TBC1D32: variants seen among roughly 807,000 people sequenced by gnomAD.
TBC1D32 encodes protein broad-minded.
TBC1D32 carries 151 observed loss-of-function variants against 170.3 expected under a neutral mutation model. The ratio of observed to expected loss-of-function variants is 0.89; its 90% CI spans 0.78 to 1.01. The LOEUF is 1.01. Ranked by LOEUF, TBC1D32 falls within the 50% of genes least tolerant of loss-of-function variation. The probability of loss-of-function intolerance (pLI) is 0.00; values close to 1 mark genes in which losing one functional copy is unlikely to be tolerated. For missense variants in TBC1D32, 1,464 were observed against 1,457.1 expected (o/e 1.00, Z -0.08); for synonymous variants, 498 against 488.0 (o/e 1.02, Z -0.27).
intron 17 of TBC1D32, among the ~76,000 whole-genome samples, chr6:121,243,671 C>G (rs1424354464): frequency 6.6e-6 from 1 of 150,606 alleles, no homozygotes; most frequent in African/African-American, 2.4e-5. Context: ...TTCAACTGAC[C>G]CTGTAATGGG....
intron 24 of TBC1D32, among the ~76,000 whole-genome samples, chr6:121,143,957 A>T (rs1030418641): frequency 6.6e-6 from 1 of 152,152 alleles, no homozygotes; most frequent in African/African-American, 2.4e-5. Context: ...TCAGAATGAG[A>T]TATTATGAAT....
intron 2 of TBC1D32, among the ~76,000 whole-genome samples, chr6:121,320,230 GGA>G (rs1491574222): frequency 6.9e-6 from 1 of 144,856 alleles, no homozygotes; most frequent in African/African-American, 2.6e-5. Context: ...AAAAAAACTG[GGA>G]AAAAAAAAAA....
intron 30 of TBC1D32, among the ~76,000 whole-genome samples, chr6:121,102,214 T>G (rs1778188582): frequency 6.6e-6 from 1 of 152,164 alleles, no homozygotes; most frequent in African/African-American, 2.4e-5. Context: ...CCAATGACTT[T>G]CTTCACAGAA....
rs561260664 is a variant in TBC1D32, at chr6:121,328,004, T to G, written c.156-6210A>C. 3.3e-5 allele frequency among the ~76,000 whole-genome samples: 5 copies of G among 152,326 alleles called. No individual in the cohort carries two copies. In the East Asian group the frequency reaches 9.6e-4, roughly 29 times the overall value. On this transcript the variant is annotated intron_variant, in intron 1 of 31. Coordinates refer to ENST00000398212, the MANE Select transcript of TBC1D32 (RefSeq NM_152730.6). ...AAAAACCTATATCATGCTTAATAACTTATTTTAGAATATCCTTACAAGGTT... is the reference window on the plus strand; with the variant it reads ...AAAAACCTATATCATGCTTAATAACGTATTTTAGAATATCCTTACAAGGTT...
At chr6:121,203,540 C>T (rs1791867401) in intron 22 of TBC1D32, among the ~76,000 whole-genome samples, 1 of 151,322 alleles carries the variant, frequency 6.6e-6, no homozygotes, top group Non-Finnish European at 1.5e-5. Flanking sequence ...TGAAGAACTG[C>T]TATTAGAACT....
At chr6:121,189,987 A>T (rs917012021) in intron 22 of TBC1D32, among the ~76,000 whole-genome samples, 1 of 151,704 alleles carries the variant, frequency 6.6e-6, no homozygotes, top group Non-Finnish European at 1.5e-5. Flanking sequence ...TTTAGTGTGA[A>T]AATGGGCATT....
At chr6:121,238,845 A>G (rs1275847757) in intron 20 of TBC1D32, among the ~76,000 whole-genome samples, 1 of 152,104 alleles carries the variant, frequency 6.6e-6, no homozygotes, top group Non-Finnish European at 1.5e-5. Context: ...CATAAAGTAA[A>G]AGAAAATAAT....
chr6:121,190,142 G>C (rs9401375), intron 22 of TBC1D32, among the ~76,000 whole-genome samples: 12 of 111,868 alleles, frequency 1.1e-4, no homozygotes, highest in African/African-American at 2.0e-4. Flanking sequence ...GACCCTCTCC[G>C]TCCCCCACCA....
rs1779868414 is a variant in TBC1D32, at chr6:121,118,070, A to C, written c.2984-2829T>G. ...GGAAAAACAGTGTGTAGGATACATA[A>C]CACATACTTAATAAACAATGAATGA... On this transcript the variant is annotated intron_variant, in intron 26 of 31. Coordinates refer to ENST00000398212, the MANE Select transcript of TBC1D32 (RefSeq NM_152730.6). 2.0e-5 allele frequency among the ~76,000 whole-genome samples: 3 copies of C among 152,192 alleles called. No homozygotes were observed. In the South Asian group the frequency reaches 6.2e-4, roughly 32 times the overall value.
At chr6:121,299,981 CAA>C (rs1157254579) in intron 9 of TBC1D32, among the ~76,000 whole-genome samples, 2 of 152,064 alleles carry the variant, frequency 1.3e-5, no homozygotes, top group Non-Finnish European at 1.5e-5. Context: ...AAAAATGATT[CAA>C]AGTGTCAAAA....
intron 22 of TBC1D32, among the ~76,000 whole-genome samples, chr6:121,183,329 C>G (rs2128276584): frequency 6.6e-6 from 1 of 152,232 alleles, no homozygotes; most frequent in East Asian, 1.9e-4. Flanking sequence ...CTCCAAAAGT[C>G]TAGTACCCTT....
intron 22 of TBC1D32, among the ~76,000 whole-genome samples, chr6:121,192,740 T>C (rs9401376): frequency 0.68 from 103,497 of 151,994 alleles, 40,614 homozygotes; most frequent in Non-Finnish European, 0.87. Flanking sequence ...GACACTGAGT[T>C]TGTAAACTCA....
rs1012439158 is a variant in TBC1D32 at position 121,241,523 on chromosome 6, T to C, written c.2187A>G (p.Gly729=). The change falls in exon 19 of 32, where the codon GGA becomes GGG. Residue 729 remains glycine (G), a synonymous_variant. Coordinates refer to ENST00000398212, the MANE Select transcript of TBC1D32 (RefSeq NM_152730.6). ...TTGATGCCACTCGTGTAACCAAAAC[T>C]CCATAGCCAAATTTTTTATGCCTGC... ...QVSRHKKFGY[G]VLVTRVASTA... 6 of 1,613,342 alleles carry C rather than the reference T, an allele frequency of 3.7e-6. No homozygotes were observed. Among genetic ancestry groups the C allele is most frequent in the Non-Finnish European group, 5.1e-6 (6 of 1,179,704 alleles).
intron 31 of TBC1D32, among the ~76,000 whole-genome samples, chr6:121,089,481 C>T (rs1202887712): frequency 2.6e-5 from 4 of 152,102 alleles, no homozygotes; most frequent in African/African-American, 9.7e-5. Context: ...GAAAATGAAC[C>T]TACATTTTGT....
In TBC1D32 at chr6:121,283,929, G is replaced by T. The variant is rs749694681; in HGVS notation, c.1373-19C>A. 1 of 1,511,332 alleles carries T rather than the reference G, an allele frequency of 6.6e-7. No individual in the cohort carries two copies. Among genetic ancestry groups the T allele is most frequent in the Non-Finnish European group, 9.1e-7 (1 of 1,095,520 alleles). The allele number at this position is 1,511,332 out of a possible 1,614,324, so 93.6% of individuals were successfully genotyped here. On this transcript the variant is annotated intron_variant, in intron 12 of 31. Transcript: ENST00000398212. ...ACCAAACCTTTAAAAAGAAAATAAA[G>T]AGAAAATTAATTTCTAGCATATTCT...
At chr6:121,276,165 G>A (rs773450054) in intron 15 of TBC1D32, among the ~76,000 whole-genome samples, 18 of 150,666 alleles carry the variant, frequency 1.2e-4, no homozygotes, top group South Asian at 2.1e-4. Flanking sequence ...AACATCTAAC[G>A]GACAAGTTTA....
At chr6:121,233,714 A>G (rs1197016198) in intron 20 of TBC1D32, among the ~76,000 whole-genome samples, 2 of 152,142 alleles carry the variant, frequency 1.3e-5, no homozygotes, top group Non-Finnish European at 2.9e-5. Context: ...ATTCAACGAT[A>G]GTATTGAGAC....
At chr6:121,270,871 T>G (rs1295781942) in intron 15 of TBC1D32, among the ~76,000 whole-genome samples, 1 of 152,152 alleles carries the variant, frequency 6.6e-6, no homozygotes, top group African/African-American at 2.4e-5. Context: ...AATAAAATAC[T>G]GGCAAACCGA....
intron 12 of TBC1D32, among the ~76,000 whole-genome samples, chr6:121,286,213 C>A (rs1937530464): frequency 6.6e-6 from 1 of 151,956 alleles, no homozygotes; most frequent in Admixed American, 6.6e-5. Context: ...AAGTTCGAAC[C>A]CATGGCAAAG....
Sources: gnomAD v4.1 joint callset for allele counts (sites outside exome capture counted in the v4.1 genomes callset) on GRCh38, gnomAD v4.1.1 for gene constraint, MANE v1.5 for transcripts, NCBI Gene and HGNC (gene_info 2026-07-23, HGNC 2026-07-21) for gene names.